Variants in MRTFA observed in about 807,000 individuals in gnomAD.
The protein encoded by MRTFA is myocardin-related transcription factor A.
Under a neutral mutation model 83.5 loss-of-function variants are expected in MRTFA, and 20 were observed. The observed-to-expected ratio is 0.24, with a 90% CI of 0.17 to 0.35. The LOEUF is 0.35. MRTFA is among the 10% of genes least tolerant of loss of function. MRTFA has a pLI of 1.00. For missense variants in MRTFA, 1,200 were observed against 1,224.7 expected, an observed-to-expected ratio of 0.98 and a Z score of 0.30; for synonymous variants, 659 against 541.2, an observed-to-expected ratio of 1.22 and a Z score of -3.02.
At position 40,419,334 on chromosome 22, in the gene MRTFA, G is replaced by A. The variant is rs1467594862; in HGVS notation, c.1404C>T (p.Gly468=). 1.9e-6 allele frequency: 3 copies of A among 1,613,868 alleles called. No individual in the cohort carries two copies. The highest frequency in any genetic ancestry group is 2.7e-5 in the African/African-American group (2 of 74,918). The change falls in exon 12 of 15, where the codon GGC becomes GGT. Residue 468 remains glycine (G), a synonymous_variant. Coordinates refer to ENST00000355630, the MANE Select transcript of MRTFA (RefSeq NM_020831.6). ...GGCGCTCAATCAGCTCAGTTTTGGT[G>A]CCCGAGACAGGCAGTGATCGCAACT...
chr22:40,616,532 G>A (rs1201998287), intron 1 of MRTFA, among the ~76,000 whole-genome samples: 4 of 152,112 alleles, frequency 2.6e-5, no homozygotes, highest in African/African-American at 9.7e-5. Flanking sequence ...GAGATAAGAA[G>A]GTGACAAATG....
At chr22:40,507,632 T>A (rs956043205) in intron 3 of MRTFA, among the ~76,000 whole-genome samples, 2 of 150,130 alleles carry the variant, frequency 1.3e-5, no homozygotes, top group African/African-American at 4.9e-5. Context: ...AAAAAAAAAA[T>A]TGTCCTAGAT....
chr22:40,417,692 G>A (rs1247903677), intron 12 of MRTFA, 199 bp from the exon 13 acceptor site: 2 of 572,130 alleles, frequency 3.5e-6, no homozygotes. Flanking sequence ...CAACCCTGCA[G>A]GGGGTGCCTG....
intron 3 of MRTFA, among the ~76,000 whole-genome samples, chr22:40,465,276 G>A (rs2053794275): frequency 6.6e-6 from 1 of 152,126 alleles, no homozygotes; most frequent in East Asian, 1.9e-4. Context: ...ACTGATATAT[G>A]TCCCCCATAG....
intron 3 of MRTFA, among the ~76,000 whole-genome samples, chr22:40,497,227 C>T (rs1247940962): frequency 6.6e-6 from 1 of 152,192 alleles, no homozygotes; most frequent in Non-Finnish European, 1.5e-5. Context: ...GGAGAGAAGG[C>T]ACCTGCACTG....
intron 2 of MRTFA, among the ~76,000 whole-genome samples, chr22:40,589,349 G>A (rs2056083230): frequency 6.6e-6 from 1 of 152,158 alleles, no homozygotes; most frequent in Non-Finnish European, 1.5e-5. Flanking sequence ...GAACATCTGT[G>A]ACCAACAAAA....
chr22:40,589,719 A>T (rs965533797), intron 2 of MRTFA, among the ~76,000 whole-genome samples: 2 of 152,110 alleles, frequency 1.3e-5, no homozygotes, highest in African/African-American at 4.8e-5. Flanking sequence ...CTGTATTTAA[A>T]CTCTGCACTT....
At chr22:40,420,297 C>T (rs762588658) in intron 11 of MRTFA, 108 bp downstream of exon 11, 197 of 1,289,836 alleles carry the variant, frequency 1.5e-4, no homozygotes, top group Middle Eastern at 2.2e-4. Context: ...CTTTCCATGA[C>T]GGTGGGTCCT....
At chr22:40,422,074 G>C (rs1389948973) in intron 9 of MRTFA, among the ~76,000 whole-genome samples, 1 of 152,196 alleles carries the variant, frequency 6.6e-6, no homozygotes, top group Non-Finnish European at 1.5e-5. Flanking sequence ...CCCAGAAGAA[G>C]GGAACAGAGC....
intron 3 of MRTFA, among the ~76,000 whole-genome samples, chr22:40,469,941 T>C (rs1307724659): frequency 2.0e-5 from 3 of 151,736 alleles, no homozygotes; most frequent in Non-Finnish European, 2.9e-5. Context: ...AAAGAATATA[T>C]GGCTGGGCAC....
intron 3 of MRTFA, among the ~76,000 whole-genome samples, chr22:40,510,880 A>G (rs1001275752): frequency 3.3e-5 from 5 of 152,268 alleles, no homozygotes; most frequent in South Asian, 2.1e-4. Context: ...GCAAAGGAAT[A>G]TATGTGCTTT....
At position 40,507,397 on chromosome 22, in the gene MRTFA, C is replaced by A. The variant is rs190302697; in HGVS notation, c.242-44111G>T. 8.6e-4 allele frequency among the ~76,000 whole-genome samples: 131 copies of A among 151,852 alleles called. 1 individual carries two copies. The stretch of plus-strand genomic sequence containing the variant: ...AAAAAGAAACAAACAAACTTCCCAG[C>A]TGGGCGCCAGGGCTCACTTAAGCCC... On this transcript the variant is annotated intron_variant, in intron 3 of 14. Transcript: ENST00000355630.
At chr22:40,629,333 C>G (rs2056615695) in intron 1 of MRTFA, among the ~76,000 whole-genome samples, 1 of 151,932 alleles carries the variant, frequency 6.6e-6, no homozygotes, top group Admixed American at 6.6e-5. Context: ...GTAGTCCCAG[C>G]TACCTGGGAG....
intron 4 of MRTFA, among the ~76,000 whole-genome samples, chr22:40,446,723 C>T (rs1226074787): frequency 2.0e-5 from 3 of 152,144 alleles, no homozygotes; most frequent in Non-Finnish European, 2.9e-5. Context: ...GGTGGAAGCA[C>T]AAACTTACTG....
intron 2 of MRTFA, among the ~76,000 whole-genome samples, chr22:40,567,658 AT>A (rs938078230): frequency 6.6e-6 from 1 of 152,200 alleles, no homozygotes; most frequent in African/African-American, 2.4e-5. Flanking sequence ...TACAATAATA[AT>A]TCTGTTCAGG....
intron 2 of MRTFA, among the ~76,000 whole-genome samples, chr22:40,567,904 C>G (rs1235018853): frequency 1.3e-5 from 2 of 152,104 alleles, no homozygotes; most frequent in Non-Finnish European, 2.9e-5. Flanking sequence ...CCGGATAGAT[C>G]AAGAATATGC....
chr22:40,414,181 AAC>A (rs1267176871), intron 14 of MRTFA, among the ~76,000 whole-genome samples: 1 of 152,068 alleles, frequency 6.6e-6, no homozygotes. Flanking sequence ...TCTACTAAAA[AAC>A]ACACAAAAAA....
At chr22:40,519,115 G>T (rs953701236) in intron 3 of MRTFA, among the ~76,000 whole-genome samples, 1 of 151,750 alleles carries the variant, frequency 6.6e-6, no homozygotes, top group African/African-American at 2.4e-5. Context: ...GGTCTCAAGG[G>T]ATGCTCCTGC....
intron 3 of MRTFA, among the ~76,000 whole-genome samples, chr22:40,510,374 C>T (rs2054648527): frequency 6.6e-6 from 1 of 151,980 alleles, no homozygotes; most frequent in Non-Finnish European, 1.5e-5. Flanking sequence ...ACAAAGAAGG[C>T]AAGCTCATGT....
Sources: gnomAD v4.1 joint callset for allele counts (sites outside exome capture counted in the v4.1 genomes callset) on GRCh38, gnomAD v4.1.1 for gene constraint, MANE v1.5 for transcripts, NCBI Gene and HGNC (gene_info 2026-07-23, HGNC 2026-07-21) for gene names.